LAMA2: variants seen among roughly 807,000 people sequenced by gnomAD.
The protein encoded by LAMA2 is laminin subunit alpha 2.
In LAMA2, 269 loss-of-function variants were observed where a neutral mutation model predicts 364.8. The observed-to-expected ratio is 0.74, with a 90% confidence interval of 0.67 to 0.82. The LOEUF (loss-of-function observed/expected upper bound fraction) is 0.82, where lower values mean the gene tolerates loss of function less well. Among genes scored for constraint, LAMA2 ranks in the 40% least tolerant of loss-of-function variants. LAMA2 has a pLI of 0.00. For synonymous variants in LAMA2, 1,379 were observed against 1,370.6 expected (o/e 1.01, Z -0.14); for missense variants, 3,807 against 3,873.2 (o/e 0.98, Z 0.45).
At chr6:129,472,487 T>C (rs1469481246) in intron 51 of LAMA2, among the ~76,000 whole-genome samples, 1 of 152,026 alleles carries the variant, frequency 6.6e-6, no homozygotes, top group African/African-American at 2.4e-5. Context: ...AAGGAGTTCC[T>C]GTCTGCTTTC....
At chr6:129,225,530 T>C (rs1035867325) in intron 12 of LAMA2, among the ~76,000 whole-genome samples, 1 of 152,242 alleles carries the variant, frequency 6.6e-6, no homozygotes, top group Non-Finnish European at 1.5e-5. Flanking sequence ...TCTGGTATGT[T>C]GTATCTTTGT....
At chr6:128,902,705 G>C (rs2114421338) in intron 1 of LAMA2, among the ~76,000 whole-genome samples, 1 of 152,096 alleles carries the variant, frequency 6.6e-6, no homozygotes, top group Admixed American at 6.5e-5. Flanking sequence ...TTAGAGACAG[G>C]GTCTCCCTCT....
intron 1 of LAMA2, among the ~76,000 whole-genome samples, chr6:128,946,970 A>G (rs761697920): frequency 5.3e-5 from 8 of 152,246 alleles, no homozygotes; most frequent in African/African-American, 9.6e-5. Flanking sequence ...TTTTTCCCCT[A>G]ATTCATGGGC....
rs192976805 is a variant in LAMA2 at position 129,239,195 on chromosome 6, G to A, written c.1783-10917G>A. Among the ~76,000 whole-genome samples, 7 of 152,274 alleles carry A rather than the reference G, an allele frequency of 4.6e-5. No homozygotes were observed. In the East Asian group the frequency reaches 1.3e-3, roughly 29 times the overall value. Reference sequence around the variant, plus strand: ...GTTATATTGTTTTGATTTCCCTGATGGAGACTTGACACAAAGAGAGACTAA... The same window carrying A: ...GTTATATTGTTTTGATTTCCCTGATAGAGACTTGACACAAAGAGAGACTAA... On this transcript the variant is annotated intron_variant, in intron 12 of 64. Coordinates refer to ENST00000421865, the MANE Select transcript of LAMA2 (RefSeq NM_000426.4).
At position 129,516,115 on chromosome 6, in the gene LAMA2, T is replaced by C. The variant is rs1787049922; in HGVS notation, c.9212-75T>C. The C allele has an allele frequency of 2.0e-6, 3 of 1,502,714 alleles. No individual in the cohort carries two copies. The East Asian group carries it at 6.8e-5, about 34-fold the overall frequency. The allele number at this position is 1,502,714 out of a possible 1,614,324, so 93.1% of individuals were successfully genotyped here. On this transcript the variant is annotated intron_variant, in intron 64 of 64. Transcript: ENST00000421865. ...TTCCAATTTAATCTCAAGCTAACAG[T>C]TGACTTTGAAACATGCTCTTAATAT...
At chr6:128,942,977 T>C (rs79236766) in intron 1 of LAMA2, among the ~76,000 whole-genome samples, 12,545 of 152,272 alleles carry the variant, frequency 0.082, 983 homozygotes, top group African/African-American at 0.2. Context: ...ATGTCCTCTA[T>C]AAGACTTTCA....
At chr6:129,336,653 C>G (rs1460380712) in intron 29 of LAMA2, among the ~76,000 whole-genome samples, 1 of 152,166 alleles carries the variant, frequency 6.6e-6, no homozygotes, top group African/African-American at 2.4e-5. Flanking sequence ...ATCCATGTTT[C>G]AAATGCTGGT....
At chr6:129,513,460 C>T (rs939169920) in intron 63 of LAMA2, among the ~76,000 whole-genome samples, 9 of 152,132 alleles carry the variant, frequency 5.9e-5, no homozygotes, top group Non-Finnish European at 1.5e-5. Context: ...TCACCAAGCT[C>T]CTTTTACATG....
At chr6:129,215,392 C>T (rs1783361686) in intron 12 of LAMA2, among the ~76,000 whole-genome samples, 1 of 152,136 alleles carries the variant, frequency 6.6e-6, no homozygotes, top group South Asian at 2.1e-4. Context: ...AAGCTTCTGA[C>T]TTCCACTCCC....
intron 55 of LAMA2, among the ~76,000 whole-genome samples, chr6:129,482,092 G>A (rs1784376576): frequency 6.6e-6 from 1 of 152,048 alleles, no homozygotes; most frequent in Non-Finnish European, 1.5e-5. Context: ...GATCGTTTGA[G>A]CCCAGGAGTT....
intron 9 of LAMA2, among the ~76,000 whole-genome samples, chr6:129,176,809 TTTTG>T (rs1780623260): frequency 6.6e-6 from 1 of 152,136 alleles, no homozygotes; most frequent in Admixed American, 6.5e-5. Flanking sequence ...TTCCTGTTCA[TTTTG>T]TTTATCTCTT....
At chr6:128,909,898 C>T (rs1428097169) in intron 1 of LAMA2, among the ~76,000 whole-genome samples, 1 of 151,314 alleles carries the variant, frequency 6.6e-6, no homozygotes, top group Non-Finnish European at 1.5e-5. Flanking sequence ...GCTTATGAAG[C>T]TTAGTTTGGC....
chr6:128,883,192 G>C lies in LAMA2; in HGVS notation c.-54G>C. The stretch of plus-strand genomic sequence containing the variant: ...CTCACAAGCCAAGGCCAGGGGACAG[G>C]GCGGCAGCGACTCCTCTGGCTCCCG... On this transcript the variant is annotated 5_prime_UTR_variant, in exon 1 of 65. Coordinates refer to ENST00000421865, the MANE Select transcript of LAMA2 (RefSeq NM_000426.4). 1 of 1,511,678 alleles carries C rather than the reference G, an allele frequency of 6.6e-7. No homozygotes were observed. Among genetic ancestry groups the C allele is most frequent in the South Asian group, 1.2e-5 (1 of 83,300 alleles). The allele number at this position is 1,511,678 out of a possible 1,614,324, so 93.6% of individuals were successfully genotyped here.
intron 1 of LAMA2, among the ~76,000 whole-genome samples, chr6:129,007,821 T>G (rs1000525794): frequency 6.6e-6 from 1 of 152,204 alleles, no homozygotes; most frequent in East Asian, 1.9e-4. Context: ...AGGAACACAC[T>G]GTATTGTCAG....
intron 1 of LAMA2, among the ~76,000 whole-genome samples, chr6:129,035,478 T>C (rs1786572910): frequency 6.6e-6 from 1 of 151,902 alleles, no homozygotes; most frequent in Non-Finnish European, 1.5e-5. Flanking sequence ...TTGTTAATTG[T>C]TTATTTTGCT....
chr6:129,192,723 G>A lies in LAMA2; in HGVS notation c.1652G>A (p.Arg551His), dbSNP rs747779519. 9.9e-6 allele frequency: 16 copies of A among 1,613,936 alleles called. No individual in the cohort carries two copies. The highest frequency in any genetic ancestry group is 6.7e-5 in the Admixed American group (4 of 60,010). The change falls in exon 12 of 65, where the codon CGC becomes CAC. Residue 551 changes from arginine (R) to histidine (H), a missense_variant. Around this residue, in one of 3 missense-constraint regions of LAMA2, gnomAD observed 3,333 missense variants for 3,345.7 expected, o/e 1.00. Coordinates refer to ENST00000421865, the MANE Select transcript of LAMA2 (RefSeq NM_000426.4). ...TGGTATCTGACTGACCTTCCTGGCCGCATTCGAGTGGCTCCCCAGCAGGAC... is the reference window on the plus strand; with the variant it reads ...TGGTATCTGACTGACCTTCCTGGCCACATTCGAGTGGCTCCCCAGCAGGAC... ...SGWYLTDLPG[R>H]IRVAPQQDDL...
intron 2 of LAMA2, 85 bp downstream of exon 2, chr6:129,050,173 G>A: frequency 7.5e-7 from 1 of 1,329,408 alleles, no homozygotes; most frequent in Non-Finnish European, 1.1e-6. Context: ...TAAATTCAAG[G>A]GTTTGTAATA....
chr6:129,261,030 CTGAGA>C lies in LAMA2; in HGVS notation c.2208+210_2208+214del, dbSNP rs139228402. Among the ~76,000 whole-genome samples, 828 of 152,200 alleles carry C rather than the reference CTGAGA, an allele frequency of 5.4e-3. 6 individuals carry two copies. Among genetic ancestry groups the C allele is most frequent in the African/African-American group, 0.019 (804 of 41,556 alleles). On this transcript the variant is annotated intron_variant, in intron 15 of 64. Transcript: ENST00000421865. ...AATTTCATTTTGTAACTCTTTCTCT[CTGAGA>C]TATTTTGCCTATAACTGAAAATCTG...
At chr6:129,093,074 C>T (rs576772689) in intron 3 of LAMA2, among the ~76,000 whole-genome samples, 1 of 151,134 alleles carries the variant, frequency 6.6e-6, no homozygotes, top group East Asian at 2.0e-4. Flanking sequence ...CTCCGCCTTC[C>T]GATTTTCAAG....
Sources: allele counts gnomAD v4.1 joint callset (sites outside exome capture counted in the v4.1 genomes callset), GRCh38; gene constraint gnomAD v4.1.1; regional missense constraint gnomAD v4.1.1; transcripts MANE v1.5; gene names NCBI Gene and HGNC (gene_info 2026-07-23, HGNC 2026-07-21).